Variants in THOC2 observed in about 807,000 individuals in gnomAD.
The protein encoded by THOC2 is THO complex 2.
THOC2 carries 10 observed loss-of-function variants against 128.4 expected under a neutral mutation model. The ratio of observed to expected loss-of-function variants is 0.08; its 90% CI spans 0.05 to 0.13. The LOEUF (loss-of-function observed/expected upper bound fraction) is 0.13, where lower values mean the gene tolerates loss of function less well. THOC2 is among the 10% of genes least tolerant of loss of function. The pLI is 1.00. For missense variants in THOC2, 535 were observed against 1,155.7 expected (o/e 0.46, Z 7.79); for synonymous variants, 393 against 396.9 (o/e 0.99, Z 0.12).
At chrX:123,607,095 G>A (rs1012511863) in intron 38 of THOC2, among the ~76,000 whole-genome samples, 2 of 110,701 alleles carry the variant, frequency 1.8e-5, no homozygotes, top group Non-Finnish European at 3.8e-5. Context: ...AAGGTTAAAG[G>A]CAAAGGAACT....
At chrX:123,668,033 A>T in intron 10 of THOC2, 126 bp downstream of exon 10, 1 of 471,439 alleles carries the variant, frequency 2.1e-6, no homozygotes, top group South Asian at 8.0e-5. Context: ...CAAATGATCC[A>T]GAAAATGAGG....
intron 7 of THOC2, among the ~76,000 whole-genome samples, chrX:123,692,837 G>C (rs2050282499): frequency 9.0e-6 from 1 of 111,471 alleles, no homozygotes; most frequent in African/African-American, 3.3e-5. Flanking sequence ...TGATAAGTAA[G>C]GATTTATCCT....
rs189217930 is a variant in THOC2, at chrX:123,727,172, G to A, written c.71+5780C>T. Reference sequence around the variant, plus strand: ...GTCAAGCCTGCAGTGAGCCGTGATCGCCTGCACTCCAGCCTAGGTGACAAA... The same window carrying A: ...GTCAAGCCTGCAGTGAGCCGTGATCACCTGCACTCCAGCCTAGGTGACAAA... On this transcript the variant is annotated intron_variant, in intron 1 of 38. Coordinates refer to ENST00000245838, the MANE Select transcript of THOC2 (RefSeq NM_001081550.2). Among the ~76,000 whole-genome samples the A allele has an allele frequency of 9.1e-5, 10 of 110,221 alleles. No homozygotes were observed. The East Asian group carries it at 2.6e-3, about 28-fold the overall frequency.
intron 33 of THOC2, among the ~76,000 whole-genome samples, chrX:123,614,713 T>C (rs1273842189): frequency 9.0e-6 from 1 of 111,250 alleles, no homozygotes. Flanking sequence ...CATGCAAAGA[T>C]TATCTCAAAT....
chrX:123,622,977 G>A (rs937526556), intron 29 of THOC2, 117 bp from the exon 30 acceptor site: 7 of 839,813 alleles, frequency 8.3e-6, no homozygotes, highest in African/African-American at 4.1e-5. Context: ...ACTTCTTAAC[G>A]CTTATATACT....
At chrX:123,710,708 G>A (rs778885135) in intron 2 of THOC2, among the ~76,000 whole-genome samples, 14 of 109,917 alleles carry the variant, frequency 1.3e-4, no homozygotes, top group Non-Finnish European at 2.5e-4. Context: ...AAACATTTTC[G>A]GTCGGGCACG....
chrX:123,641,441 G>A (rs1413549926), intron 15 of THOC2, among the ~76,000 whole-genome samples: 2 of 112,244 alleles, frequency 1.8e-5, no homozygotes, highest in South Asian at 7.3e-4. Flanking sequence ...AATTTCTCAT[G>A]ACAAAACTGG....
chrX:123,633,679 T>C lies in THOC2; in HGVS notation c.2136+274A>G, dbSNP rs959437773. 5.4e-5 allele frequency among the ~76,000 whole-genome samples: 6 copies of C among 112,097 alleles called. No individual in the cohort carries two copies. In the South Asian group the frequency reaches 1.5e-3, roughly 28 times the overall value. ...TCAGCCTCCCAAAATGTTGGGATTA[T>C]AAGCGTGAGCCACCACGCCCGGCCT... On this transcript the variant is annotated intron_variant, in intron 20 of 38. Coordinates refer to ENST00000245838, the MANE Select transcript of THOC2 (RefSeq NM_001081550.2).
Position 123,625,856 on chromosome X carries a change from TATA to T in THOC2, c.3057+53_3057+55del, listed in dbSNP as rs2047251078. ...AACACACAATAATACCTCTATAAAT[TATA>T]ATGTTAGCTATCTTTGTGTGAGAAC... On this transcript the variant is annotated intron_variant, in intron 25 of 38. Coordinates refer to ENST00000245838, the MANE Select transcript of THOC2 (RefSeq NM_001081550.2). 6.3e-6 allele frequency: 7 copies of T among 1,111,510 alleles called. No homozygotes were observed. The Admixed American group carries it at 1.2e-4, about 19-fold the overall frequency. The allele number at this position is 1,111,510 out of a possible 1,213,427, so 91.6% of individuals were successfully genotyped here.
chrX:123,641,179 T>C lies in THOC2; in HGVS notation c.1662-557A>G, dbSNP rs1472447005. 3.6e-5 allele frequency among the ~76,000 whole-genome samples: 4 copies of C among 112,254 alleles called. No individual in the cohort carries two copies. In the Admixed American group the frequency reaches 3.8e-4, roughly 11 times the overall value. On this transcript the variant is annotated intron_variant, in intron 15 of 38. Transcript: ENST00000245838. Reference sequence around the variant, plus strand: ...TACTCCTTTCCTTCCTCTTTATTTCTTCCTTTGCTCATTATCCTTTTGCCA... The same window carrying C: ...TACTCCTTTCCTTCCTCTTTATTTCCTCCTTTGCTCATTATCCTTTTGCCA...
At chrX:123,671,054 T>G (rs2049258349) in intron 9 of THOC2, among the ~76,000 whole-genome samples, 1 of 111,860 alleles carries the variant, frequency 8.9e-6, no homozygotes, top group African/African-American at 3.2e-5. Flanking sequence ...TAGCCTAGAT[T>G]CTGAAACTGA....
chrX:123,656,724 G>A (rs1404063315), intron 12 of THOC2, among the ~76,000 whole-genome samples: 4 of 109,813 alleles, frequency 3.6e-5, no homozygotes, highest in African/African-American at 1.0e-4. Context: ...AAACAAAGGC[G>A]GGGAGCCGGG....
rs373441807 is a variant in THOC2 at position 123,692,473 on chromosome X, C to A, written c.601+3548G>T. 1.6e-4 allele frequency among the ~76,000 whole-genome samples: 14 copies of A among 89,783 alleles called. No homozygotes were observed. The South Asian group carries it at 2.7e-3, about 17-fold the overall frequency. 78.0% of individuals were successfully genotyped at this position (89,783 alleles called of 115,157 possible). ...TATAAAAATTTTGATGTGCCAGAAT[C>A]TTTTAGGAGCAAATAACTGCCTTTT... On this transcript the variant is annotated intron_variant, in intron 7 of 38. Transcript: ENST00000245838.
intron 15 of THOC2, among the ~76,000 whole-genome samples, chrX:123,642,623 G>A (rs1319076483): frequency 9.1e-6 from 1 of 109,396 alleles, no homozygotes; most frequent in Non-Finnish European, 1.9e-5. Context: ...GGTAGCTCAC[G>A]TCTGTAACTC....
chrX:123,661,055 T>C (rs2048804948), intron 12 of THOC2, among the ~76,000 whole-genome samples: 1 of 112,436 alleles, frequency 8.9e-6, no homozygotes, highest in African/African-American at 3.2e-5. Flanking sequence ...TTAAGTGAAA[T>C]AAGCCAGGCA....
intron 16 of THOC2, among the ~76,000 whole-genome samples, 156 bp from the exon 17 acceptor site, chrX:123,639,183 T>A (rs1271374702): frequency 8.9e-6 from 1 of 111,997 alleles, no homozygotes; most frequent in Non-Finnish European, 1.9e-5. Flanking sequence ...GGTTTCTATA[T>A]AAATATTTCA....
intron 25 of THOC2, 71 bp downstream of exon 25, chrX:123,625,841 A>T: frequency 9.4e-7 from 1 of 1,060,951 alleles, no homozygotes; most frequent in Non-Finnish European, 1.3e-6. Context: ...AACACACAAT[A>T]ATACCTCTAT....
At chrX:123,673,272 G>A (rs777116124) in intron 8 of THOC2, among the ~76,000 whole-genome samples, 173 of 112,047 alleles carry the variant, frequency 1.5e-3, no homozygotes, top group Non-Finnish European at 2.8e-3. Flanking sequence ...CCGGGAGGCG[G>A]AGGTTGCAGT....
chrX:123,718,235 C>G (rs1221147658), intron 1 of THOC2, among the ~76,000 whole-genome samples: 1 of 111,813 alleles, frequency 8.9e-6, no homozygotes, highest in African/African-American at 3.3e-5. Flanking sequence ...AACTTAATAT[C>G]CACATACAGA....
Sources: gnomAD v4.1 joint callset for allele counts (sites outside exome capture counted in the v4.1 genomes callset) on GRCh38, gnomAD v4.1.1 for gene constraint, MANE v1.5 for transcripts, NCBI Gene and HGNC (gene_info 2026-07-23, HGNC 2026-07-21) for gene names.